CEP112: variants seen among roughly 807,000 people sequenced by gnomAD.
The protein encoded by CEP112 is centrosomal protein 112.
Under a neutral mutation model 153.0 loss-of-function variants are expected in CEP112, and 127 were observed. The observed-to-expected ratio is 0.83, with a 90% confidence interval of 0.72 to 0.96. The LOEUF (loss-of-function observed/expected upper bound fraction) is 0.96. Ranked by LOEUF, CEP112 falls within the 40% of genes least tolerant of loss-of-function variation. The probability of loss-of-function intolerance (pLI) is 0.00; values close to 1 mark genes in which losing one functional copy is unlikely to be tolerated. For synonymous variants in CEP112, 358 were observed against 374.4 expected (o/e 0.96, Z 0.51); for missense variants, 1,089 against 1,101.2 (o/e 0.99, Z 0.16).
rs137940089 is a variant in CEP112, at chr17:65,969,773, A to C, written c.1737-8175T>G. Among the ~76,000 whole-genome samples the C allele has an allele frequency of 7.8e-3, 1,189 of 152,336 alleles. 4 individuals are homozygous for C. Among genetic ancestry groups the C allele is most frequent in the Middle Eastern group, 0.014 (4 of 294 alleles). ...CGAATGCTTATTACATGTAAATCAC[A>C]TAGATGCATATTACATGCATGCGCA... is the stretch of plus-strand genomic sequence containing the variant. On this transcript the variant is annotated intron_variant, in intron 17 of 26. Coordinates refer to ENST00000535342, the MANE Select transcript of CEP112 (RefSeq NM_001199165.4).
intron 21 of CEP112, among the ~76,000 whole-genome samples, chr17:65,800,161 G>C (rs1241925074): frequency 2.6e-5 from 4 of 151,868 alleles, no homozygotes; most frequent in African/African-American, 9.7e-5. Context: ...CCTTTTAAGA[G>C]TATACATTTT....
Position 66,076,256 on chromosome 17 carries a change from G to A in CEP112, c.769-6255C>T, listed in dbSNP as rs879265896. On this transcript the variant is annotated intron_variant, in intron 8 of 26. Coordinates refer to ENST00000535342, the MANE Select transcript of CEP112 (RefSeq NM_001199165.4). ...CCAGTGTGCAGACTCCACAGGCGGC[G>A]GGGTAAGAACCAAAGCCCTCTTCTT... Among the ~76,000 whole-genome samples the A allele has an allele frequency of 4.4e-3, 672 of 151,910 alleles. 4 individuals are homozygous for A. Among genetic ancestry groups the A allele is most frequent in the Non-Finnish European group, 7.5e-3 (510 of 67,950 alleles).
chr17:65,805,596 G>GTA (rs2055550357), intron 21 of CEP112, among the ~76,000 whole-genome samples: 1 of 152,140 alleles, frequency 6.6e-6, no homozygotes, highest in African/African-American at 2.4e-5. Flanking sequence ...CTTCAAAATG[G>GTA]TAAGCTTTGG....
intron 21 of CEP112, among the ~76,000 whole-genome samples, chr17:65,835,604 C>T (rs948758310): frequency 6.6e-6 from 1 of 152,096 alleles, no homozygotes; most frequent in African/African-American, 2.4e-5. Context: ...ACTAAGAATA[C>T]ATACCCAACT....
chr17:65,649,073 A>AACACACACAC (rs71158400), intron 24 of CEP112, among the ~76,000 whole-genome samples: 2,286 of 139,542 alleles, frequency 0.016, 37 homozygotes, highest in Non-Finnish European at 0.025. Flanking sequence ...CAAACAAACA[A>AACACACACAC]ACACACACAC....
chr17:65,950,699 CTAGTAGTAG>C (rs111958511), intron 18 of CEP112, among the ~76,000 whole-genome samples: 28 of 147,134 alleles, frequency 1.9e-4, no homozygotes, highest in Non-Finnish European at 3.6e-4. Flanking sequence ...GGATACATTA[CTAGTAGTAG>C]TAGTAGTAGT....
At chr17:66,183,108 T>C in intron 2 of CEP112, 86 bp downstream of exon 2, 1 of 920,304 alleles carries the variant, frequency 1.1e-6, no homozygotes, top group Non-Finnish European at 1.6e-6. Flanking sequence ...TCAGTTTTTC[T>C]TCCATGTTGA....
At chr17:66,002,452 A>G (rs2064100672) in intron 17 of CEP112, among the ~76,000 whole-genome samples, 1 of 152,176 alleles carries the variant, frequency 6.6e-6, no homozygotes, top group South Asian at 2.1e-4. Context: ...TGGAAGGAGT[A>G]TATCTGGTCA....
Position 66,141,999 on chromosome 17 carries a change from A to C in CEP112, c.471-9236T>G, listed in dbSNP as rs2070721717. Among the ~76,000 whole-genome samples the C allele has an allele frequency of 2.0e-5, 3 of 152,228 alleles. No homozygotes were observed. The South Asian group carries it at 6.2e-4, about 31-fold the overall frequency. ...TATATCAATTTATGTTCCTACCAAC[A>C]GTGGACAAAGATTCCCTTTTCTCCA... On this transcript the variant is annotated intron_variant, in intron 4 of 26. Transcript: ENST00000535342.
intron 2 of CEP112, among the ~76,000 whole-genome samples, chr17:66,179,260 C>G (rs994864456): frequency 5.9e-5 from 9 of 152,116 alleles, no homozygotes; most frequent in African/African-American, 1.9e-4. Context: ...AGGGATTGCA[C>G]TGAATCTGCA....
chr17:66,061,485 C>T (rs1168198497), intron 11 of CEP112, among the ~76,000 whole-genome samples: 1 of 151,842 alleles, frequency 6.6e-6, no homozygotes, highest in Non-Finnish European at 1.5e-5. Context: ...CCCACATTTA[C>T]TGCAGCATTA....
intron 8 of CEP112, 100 bp from the exon 9 acceptor site, chr17:66,070,101 C>T: frequency 4.6e-6 from 3 of 654,472 alleles, no homozygotes; most frequent in East Asian, 5.6e-5. Context: ...AGACAGTTAT[C>T]ATTTTCCACC....
chr17:65,950,477 C>A (rs926491168), intron 18 of CEP112, among the ~76,000 whole-genome samples: 21 of 151,890 alleles, frequency 1.4e-4, no homozygotes, highest in African/African-American at 4.4e-4. Context: ...ATATTTTATT[C>A]TTTTCGACGT....
At chr17:65,689,326 C>A in intron 23 of CEP112, 108 bp from the exon 24 acceptor site, 1 of 708,222 alleles carries the variant, frequency 1.4e-6, no homozygotes, top group Non-Finnish European at 2.4e-6. Context: ...GTTTATTACT[C>A]TTGTTCCAAA....
At chr17:65,651,686 TTTCC>T (rs149352419) in intron 24 of CEP112, among the ~76,000 whole-genome samples, 20,226 of 149,244 alleles carry the variant, frequency 0.14, 1,688 homozygotes, top group East Asian at 0.45. Flanking sequence ...TCCTTCCTTC[TTTCC>T]TTCCTTCCTT....
intron 21 of CEP112, among the ~76,000 whole-genome samples, chr17:65,767,876 T>G (rs1463208337): frequency 1.3e-5 from 2 of 152,038 alleles, no homozygotes; most frequent in Admixed American, 1.3e-4. Context: ...GAAGTAGTAA[T>G]TTAAAATCTC....
intron 1 of CEP112, 129 bp from the exon 2 acceptor site, chr17:66,183,436 TGCAA>T (rs2072799406): frequency 1.8e-6 from 1 of 540,666 alleles, no homozygotes; most frequent in African/African-American, 1.9e-5. Flanking sequence ...GTAGATTTAA[TGCAA>T]CTCCCATCAA....
At chr17:66,178,557 A>G (rs532500862) in intron 2 of CEP112, among the ~76,000 whole-genome samples, 10 of 152,194 alleles carry the variant, frequency 6.6e-5, no homozygotes, top group South Asian at 2.1e-4. Flanking sequence ...GCTTTTTAAC[A>G]TGATGAGATC....
intron 16 of CEP112, among the ~76,000 whole-genome samples, chr17:66,011,333 C>A (rs981732769): frequency 6.6e-6 from 1 of 152,078 alleles, no homozygotes; most frequent in Admixed American, 6.6e-5. Context: ...AACTTGAGAT[C>A]TTTCTAACTT....
Sources: allele counts gnomAD v4.1 joint callset (sites outside exome capture counted in the v4.1 genomes callset), GRCh38; gene constraint gnomAD v4.1.1; transcripts MANE v1.5; gene names NCBI Gene and HGNC (gene_info 2026-07-23, HGNC 2026-07-21).